Variants in SFMBT2 observed in about 807,000 individuals in gnomAD.
SFMBT2 encodes scm-like with four MBT domains protein 2.
Under a neutral mutation model 110.1 loss-of-function variants are expected in SFMBT2, and 38 were observed. The observed-to-expected ratio is 0.35, with a 90% CI of 0.27 to 0.45. The LOEUF (loss-of-function observed/expected upper bound fraction) is 0.45. Ranked by LOEUF, SFMBT2 falls within the 20% of genes least tolerant of loss-of-function variation. The pLI is 1.00. For synonymous variants in SFMBT2, 425 were observed against 425.4 expected (o/e 1.00, Z 0.01); for missense variants, 1,011 against 1,094.9 (o/e 0.92, Z 1.08).
intron 4 of SFMBT2, among the ~76,000 whole-genome samples, chr10:7,318,837 C>A (rs995301958): frequency 2.0e-5 from 3 of 152,186 alleles, no homozygotes; most frequent in Non-Finnish European, 4.4e-5. Flanking sequence ...TTTATTTGTA[C>A]ACAATTCCTC....
At chr10:7,372,817 T>C (rs932502841) in intron 2 of SFMBT2, among the ~76,000 whole-genome samples, 2 of 152,262 alleles carry the variant, frequency 1.3e-5, no homozygotes, top group Non-Finnish European at 2.9e-5. Flanking sequence ...GCAAACTTGC[T>C]GCAGACAAAG....
intron 4 of SFMBT2, among the ~76,000 whole-genome samples, chr10:7,307,252 T>C (rs1842723105): frequency 6.6e-6 from 1 of 152,210 alleles, no homozygotes; most frequent in Non-Finnish European, 1.5e-5. Flanking sequence ...CTCAGTATTA[T>C]AAAGATGTAC....
intron 6 of SFMBT2, among the ~76,000 whole-genome samples, chr10:7,277,855 C>T (rs929218106): frequency 2.6e-5 from 4 of 152,214 alleles, no homozygotes; most frequent in African/African-American, 4.8e-5. Context: ...TAAAAAGCAA[C>T]AGTAAACCTT....
At position 7,227,937 on chromosome 10, in the gene SFMBT2, C is replaced by G; in HGVS notation, c.1121G>C (p.Gly374Ala). Residue 374 changes from glycine to alanine, a missense_variant and splice_region_variant, in exon 10 of 21, where the codon GGT becomes GCT. Around this residue, in one of 2 missense-constraint regions of SFMBT2, gnomAD observed 979 missense variants for 1,016.1 expected, o/e 0.96. Transcript: ENST00000397167. ...KNGVSLTPPK[G>A]YSGQDFDWAD... ...CCAGTCGAAGTCCTGGCCAGAGTAACCTGGGAATGACAAAACACAGATAAA... is the reference window on the plus strand; with the variant it reads ...CCAGTCGAAGTCCTGGCCAGAGTAAGCTGGGAATGACAAAACACAGATAAA... 6.3e-7 allele frequency: 1 copy of G among 1,582,972 alleles called. No individual in the cohort carries two copies. The highest frequency in any genetic ancestry group is 8.5e-7 in the Non-Finnish European group (1 of 1,169,996).
intron 4 of SFMBT2, among the ~76,000 whole-genome samples, chr10:7,326,806 A>G (rs1843398685): frequency 6.6e-6 from 1 of 152,186 alleles, no homozygotes; most frequent in Admixed American, 6.5e-5. Flanking sequence ...CATCATTTCA[A>G]GTCAAGCCTT....
chr10:7,227,842 A>G lies in SFMBT2; in HGVS notation c.1203+13T>C, dbSNP rs773014017. 3.8e-6 allele frequency: 6 copies of G among 1,593,896 alleles called. No individual in the cohort carries two copies. The highest frequency in any genetic ancestry group is 5.1e-6 in the Non-Finnish European group (6 of 1,169,980). ...ATGATTTTTAAAAATTAGGTAAGAG[A>G]GAAGCTTCTTACATTTCGGAAGCAG... On this transcript the variant is annotated intron_variant, in intron 10 of 20. Transcript: ENST00000397167.
intron 11 of SFMBT2, among the ~76,000 whole-genome samples, chr10:7,213,723 A>T (rs939530940): frequency 7.7e-4 from 109 of 141,254 alleles, no homozygotes; most frequent in Admixed American, 1.3e-3. Flanking sequence ...GTGCGAGGCC[A>T]TGGGCGCGGG....
intron 4 of SFMBT2, among the ~76,000 whole-genome samples, chr10:7,365,763 T>C (rs1476314569): frequency 6.6e-6 from 1 of 152,062 alleles, no homozygotes; most frequent in Non-Finnish European, 1.5e-5. Flanking sequence ...GCATGTAAAA[T>C]GCCCAGAATA....
chr10:7,339,851 T>C (rs1424910281), intron 4 of SFMBT2, among the ~76,000 whole-genome samples: 1 of 152,206 alleles, frequency 6.6e-6, no homozygotes, highest in Non-Finnish European at 1.5e-5. Context: ...GCTCCCCTCA[T>C]GATAATGCCT....
intron 4 of SFMBT2, among the ~76,000 whole-genome samples, chr10:7,315,910 T>C (rs1178941942): frequency 6.6e-6 from 1 of 152,228 alleles, no homozygotes; most frequent in Non-Finnish European, 1.5e-5. Context: ...CTCTTAATAT[T>C]TGCTGTTATT....
intron 16 of SFMBT2, among the ~76,000 whole-genome samples, chr10:7,185,766 A>T (rs1207701207): frequency 1.3e-5 from 2 of 152,214 alleles, no homozygotes; most frequent in Non-Finnish European, 2.9e-5. Flanking sequence ...TTCCCTCAAG[A>T]AGATTCTGTA....
chr10:7,287,368 C>G (rs765579612), intron 4 of SFMBT2: 1 of 243,542 alleles, frequency 4.1e-6, no homozygotes, highest in Non-Finnish European at 6.6e-6. Flanking sequence ...CGTGAGCCAC[C>G]GCACCCGGCC....
chr10:7,383,163 T>TA (rs572803092), intron 1 of SFMBT2, among the ~76,000 whole-genome samples: 195 of 152,322 alleles, frequency 1.3e-3, no homozygotes, highest in African/African-American at 3.8e-3. Flanking sequence ...CACATAGTGG[T>TA]AAAATATCTT....
chr10:7,266,974 T>C (rs1841413872), intron 7 of SFMBT2, among the ~76,000 whole-genome samples: 1 of 152,200 alleles, frequency 6.6e-6, no homozygotes. Flanking sequence ...AAATAGCTTA[T>C]ACCAATCTAA....
In SFMBT2 at chr10:7,411,027, T is replaced by C. The variant is rs1846365831; in HGVS notation, c.-218A>G. On this transcript the variant is annotated 5_prime_UTR_variant, in exon 1 of 21. Transcript: ENST00000397167. ...TCCTCCGGCTCCCACTACAGCTCAT[T>C]CCAATATGGCATCCTCTCTGTGCGC... Among the ~76,000 whole-genome samples the C allele has an allele frequency of 1.4e-5, 2 of 144,414 alleles. No homozygotes were observed. The highest frequency in any genetic ancestry group is 2.2e-4 in the South Asian group (1 of 4,526). 94.7% of individuals were successfully genotyped at this position (144,414 alleles called of 152,430 possible). A position where few individuals can be genotyped will look rare whatever the true frequency, so the allele number is the denominator to read the frequency against.
In SFMBT2 at chr10:7,380,618, T is replaced by G. The variant is rs548414752; in HGVS notation, c.100+1181A>C. On this transcript the variant is annotated intron_variant, in intron 2 of 20. Transcript: ENST00000397167. ...TACAACTCAGAGGACTAAACTGTCC[T>G]TAAGTCATTTGCTGGTATGTATAAA... 5.3e-5 allele frequency among the ~76,000 whole-genome samples: 8 copies of G among 152,222 alleles called. No individual in the cohort carries two copies. The South Asian group carries it at 1.7e-3, about 32-fold the overall frequency.
chr10:7,264,430 T>C (rs1163406086), intron 7 of SFMBT2, among the ~76,000 whole-genome samples: 1 of 152,174 alleles, frequency 6.6e-6, no homozygotes, highest in African/African-American at 2.4e-5. Flanking sequence ...TTTACGGAAG[T>C]ACTTAGACCA....
At chr10:7,247,339 A>T (rs1159870792) in intron 8 of SFMBT2, among the ~76,000 whole-genome samples, 1 of 151,790 alleles carries the variant, frequency 6.6e-6, no homozygotes, top group Non-Finnish European at 1.5e-5. Context: ...CTGGTCTCAA[A>T]CTCCTGACCT....
intron 2 of SFMBT2, among the ~76,000 whole-genome samples, chr10:7,380,654 C>CT (rs35865288): frequency 0.53 from 79,938 of 150,044 alleles, 21,687 homozygotes; most frequent in East Asian, 0.74. Flanking sequence ...CAATGCAACC[C>CT]TTTTTTTTTT....
Sources: gnomAD v4.1 joint callset for allele counts (sites outside exome capture counted in the v4.1 genomes callset) on GRCh38, gnomAD v4.1.1 for gene constraint, gnomAD v4.1.1 regional missense constraint, MANE v1.5 for transcripts, NCBI Gene and HGNC (gene_info 2026-07-23, HGNC 2026-07-21) for gene names.